GLIS3: variants seen among roughly 807,000 people sequenced by gnomAD.
GLIS3 encodes GLIS family zinc finger 3, also known as zinc finger protein GLIS3.
Under a neutral mutation model 78.6 loss-of-function variants are expected in GLIS3, and 53 were observed. The ratio of observed to expected loss-of-function variants is 0.67; its 90% CI spans 0.54 to 0.85. GLIS3 has a LOEUF of 0.85. GLIS3 is among the 40% of genes least tolerant of loss of function. GLIS3 has a pLI of 0.00. For missense variants in GLIS3, 1,703 were observed against 1,231.1 expected (o/e 1.38, Z -5.74); for synonymous variants, 684 against 509.9 (o/e 1.34, Z -4.60).
At chr9:4,070,618 G>C (rs895803642) in intron 4 of GLIS3, among the ~76,000 whole-genome samples, 1 of 152,088 alleles carries the variant, frequency 6.6e-6, no homozygotes. Flanking sequence ...GTATGTGTGT[G>C]TATATGTAAG....
intron 4 of GLIS3, among the ~76,000 whole-genome samples, chr9:3,944,832 A>G (rs1816182517): frequency 6.6e-6 from 1 of 152,230 alleles, no homozygotes; most frequent in African/African-American, 2.4e-5. Flanking sequence ...AGTTCAGAAG[A>G]CTGAGAAGTT....
chr9:4,445,149 G>A, the GLIS3 span, among the ~76,000 whole-genome samples: 1 of 152,146 alleles, frequency 6.6e-6, no homozygotes, highest in Admixed American at 6.5e-5. Context: ...CACAGGATTT[G>A]TTTCTTTGCC....
chr9:4,449,815 C>A, the GLIS3 span, among the ~76,000 whole-genome samples: 1 of 152,140 alleles, frequency 6.6e-6, no homozygotes, highest in Non-Finnish European at 1.5e-5. Flanking sequence ...ACAAAAAGGA[C>A]ATCCACACCA....
chr9:4,048,405 T>C (rs973352971), intron 4 of GLIS3, among the ~76,000 whole-genome samples: 2 of 152,158 alleles, frequency 1.3e-5, no homozygotes, highest in Non-Finnish European at 2.9e-5. Flanking sequence ...CAGTCCACCT[T>C]AAATGCTGAT....
chr9:4,123,552 T>G (rs563072983), intron 3 of GLIS3: 1 of 277,376 alleles, frequency 3.6e-6, no homozygotes, highest in Non-Finnish European at 6.6e-6. Flanking sequence ...AATTATAATT[T>G]TATTTATACA....
At chr9:3,980,423 C>G (rs762690987) in intron 4 of GLIS3, among the ~76,000 whole-genome samples, 1 of 152,176 alleles carries the variant, frequency 6.6e-6, no homozygotes, top group South Asian at 2.1e-4. Context: ...TCTCTCCTCA[C>G]CCTGAAATGT....
the GLIS3 span, among the ~76,000 whole-genome samples, chr9:4,447,138 C>A: frequency 1.3e-5 from 2 of 152,042 alleles, no homozygotes; most frequent in Admixed American, 6.6e-5. Context: ...GCATCAAACT[C>A]CTGGGCTCAA....
upstream of GLIS3, among the ~76,000 whole-genome samples, chr9:4,350,582 C>T (rs1817955824): frequency 6.6e-6 from 1 of 152,100 alleles, no homozygotes; most frequent in Non-Finnish European, 1.5e-5. Flanking sequence ...GCTTTATTAT[C>T]TCTATTTTGG....
intron 7 of GLIS3, among the ~76,000 whole-genome samples, chr9:3,896,841 C>T (rs1822880069): frequency 1.3e-5 from 2 of 152,068 alleles, no homozygotes; most frequent in Admixed American, 6.5e-5. Flanking sequence ...GCTGGAGCAA[C>T]TTAGGTATCC....
intron 2 of GLIS3, among the ~76,000 whole-genome samples, chr9:4,142,310 C>A (rs1833870920): frequency 1.3e-5 from 2 of 152,096 alleles, no homozygotes; most frequent in South Asian, 4.1e-4. Context: ...ATAGCTTATT[C>A]CCTGAATAAT....
At chr9:4,435,491 T>C in the GLIS3 span, among the ~76,000 whole-genome samples, 9 of 152,202 alleles carry the variant, frequency 5.9e-5, no homozygotes, top group Admixed American at 2.0e-4. Flanking sequence ...CTCCTGACCC[T>C]TGTCACAAGA....
At chr9:4,381,572 C>T in the GLIS3 span, among the ~76,000 whole-genome samples, 1 of 152,186 alleles carries the variant, frequency 6.6e-6, no homozygotes, top group Non-Finnish European at 1.5e-5. Flanking sequence ...AGCACTCACG[C>T]ACATTTTGGT....
intron 4 of GLIS3, 78 bp from the exon 5 acceptor site, chr9:3,937,267 G>A (rs1288266427): frequency 1.4e-6 from 2 of 1,426,498 alleles, no homozygotes; most frequent in African/African-American, 2.8e-5. Flanking sequence ...AAAAAAAAAT[G>A]TTCTTAGTTG....
intron 2 of GLIS3, among the ~76,000 whole-genome samples, chr9:4,136,990 C>A (rs975348977): frequency 1.3e-5 from 2 of 152,072 alleles, no homozygotes; most frequent in African/African-American, 4.8e-5. Context: ...TAGGTAGTGG[C>A]GCATCCCATT....
chr9:4,270,310 A>C (rs894761020), intron 2 of GLIS3, among the ~76,000 whole-genome samples: 2 of 152,206 alleles, frequency 1.3e-5, no homozygotes, highest in African/African-American at 4.8e-5. Context: ...CAATAACTGT[A>C]CTAATTATCT....
chr9:3,876,210 C>G (rs537463513), intron 8 of GLIS3, among the ~76,000 whole-genome samples: 1 of 152,236 alleles, frequency 6.6e-6, no homozygotes, highest in East Asian at 1.9e-4. Context: ...CCCTGGAACA[C>G]TGTGTAAAAT....
Position 3,915,623 on chromosome 9 carries a change from G to A in GLIS3, c.1983+16737C>T, listed in dbSNP as rs74537261. On this transcript the variant is annotated intron_variant, in intron 6 of 10. Coordinates refer to ENST00000381971, the MANE Select transcript of GLIS3 (RefSeq NM_001042413.2). ...GTCTACAAGAAACTCCAGGCTCAGC[G>A]GTCTGCTGTGTCTAACTCCATTTGC... Among the ~76,000 whole-genome samples the A allele has an allele frequency of 2.5e-3, 387 of 152,206 alleles. 1 individual carries two copies. Among genetic ancestry groups the A allele is most frequent in the African/African-American group, 9.0e-3 (374 of 41,530 alleles).
At chr9:3,931,046 T>A (rs534583231) in intron 6 of GLIS3, among the ~76,000 whole-genome samples, 1 of 152,274 alleles carries the variant, frequency 6.6e-6, no homozygotes, top group South Asian at 2.1e-4. Context: ...CAAAAGCATA[T>A]CTAGTGTCTG....
intron 2 of GLIS3, among the ~76,000 whole-genome samples, chr9:4,207,950 G>A (rs7864565): frequency 0.34 from 50,988 of 152,094 alleles, 8,905 homozygotes; most frequent in Non-Finnish European, 0.4. Flanking sequence ...AATGCTATAT[G>A]TCCCTGGAAC....
Sources: gnomAD v4.1 joint callset for allele counts (sites outside exome capture counted in the v4.1 genomes callset) on GRCh38, gnomAD v4.1.1 for gene constraint, MANE v1.5 for transcripts, NCBI Gene and HGNC (gene_info 2026-07-23, HGNC 2026-07-21) for gene names.